Variants in FBXW4 observed in about 807,000 individuals in gnomAD.
The protein encoded by FBXW4 is F-box/WD repeat-containing protein 4.
In FBXW4, 40 loss-of-function variants were observed where a neutral mutation model predicts 61.8. The ratio of observed to expected loss-of-function variants is 0.65; its 90% CI spans 0.50 to 0.84. The LOEUF (loss-of-function observed/expected upper bound fraction) is 0.84. FBXW4 is among the 40% of genes least tolerant of loss of function. The pLI is 0.00. For missense variants in FBXW4, 672 were observed against 753.8 expected (o/e 0.89, Z 1.27); for synonymous variants, 311 against 313.8 (o/e 0.99, Z 0.10).
chr10:101,646,445 C>A (rs1249706290), intron 5 of FBXW4, among the ~76,000 whole-genome samples: 1 of 152,204 alleles, frequency 6.6e-6, no homozygotes, highest in African/African-American at 2.4e-5. Context: ...CCAGGCTAGG[C>A]AGGAGGCCGA....
chr10:101,688,938 A>T (rs2064559932), intron 1 of FBXW4, among the ~76,000 whole-genome samples: 1 of 152,216 alleles, frequency 6.6e-6, no homozygotes, highest in African/African-American at 2.4e-5. Context: ...GTTACAAGTC[A>T]GGACCAGAAA....
At chr10:101,673,975 A>C (rs1453808938) in intron 2 of FBXW4, among the ~76,000 whole-genome samples, 1 of 152,228 alleles carries the variant, frequency 6.6e-6, no homozygotes, top group South Asian at 2.1e-4. Context: ...CTGGCTACCT[A>C]GACTTCTCAT....
rs1254161409 is a variant in FBXW4 at position 101,624,796 on chromosome 10, C to T, written c.1250G>A (p.Gly417Glu). 4 of 1,614,126 alleles carry T rather than the reference C, an allele frequency of 2.5e-6. No individual in the cohort carries two copies. Among genetic ancestry groups the T allele is most frequent in the Non-Finnish European group, 3.4e-6 (4 of 1,180,060 alleles). Residue 417 changes from glycine to glutamate, a missense_variant, in exon 6 of 9, where the codon GGG becomes GAG. Coordinates refer to ENST00000331272, the MANE Select transcript of FBXW4 (RefSeq NM_022039.4). The part of the protein sequence containing the change: ...ISPLLSSFVT[G>E]TACCGHFSPL... ...TGAGAAGTGCCCGCAACAAGCCGTC[C>T]CTGTCACAAAAGAGCTGCCAAACAA...
At position 101,694,333 on chromosome 10, in the gene FBXW4, C is replaced by A. The variant is rs2064647305; in HGVS notation, c.725+48G>T. On this transcript the variant is annotated intron_variant, in intron 1 of 8. Transcript: ENST00000331272. This position sits in a 1 kb window ranked among gnomAD's most constrained non-coding sequence, Gnocchi z 6.0. ...CGCGGCGCCCCGCCCTTTCCCGGGA[C>A]GCGGGGCCGGCTCGGGGCGGGGAGC... 8 of 1,338,018 alleles carry A rather than the reference C, an allele frequency of 6.0e-6. No individual in the cohort carries two copies. The East Asian group carries it at 2.2e-4, about 36-fold the overall frequency. The allele number at this position is 1,338,018 out of a possible 1,614,324, so 82.9% of individuals were successfully genotyped here. A position where few individuals can be genotyped will look rare whatever the true frequency, so the allele number is the denominator to read the frequency against.
At chr10:101,614,736 C>T (rs2063813168) in intron 6 of FBXW4, among the ~76,000 whole-genome samples, 1 of 152,224 alleles carries the variant, frequency 6.6e-6, no homozygotes, top group African/African-American at 2.4e-5. Context: ...ACCCTCAAGG[C>T]TCTGTTGTGT....
chr10:101,660,875 A>G (rs1040763669), intron 5 of FBXW4, among the ~76,000 whole-genome samples: 4 of 152,098 alleles, frequency 2.6e-5, no homozygotes, highest in Non-Finnish European at 2.9e-5. Flanking sequence ...TCTACTACCT[A>G]TTTTACTTGT....
intron 4 of FBXW4, among the ~76,000 whole-genome samples, chr10:101,671,656 T>C (rs1348430550): frequency 2.0e-5 from 3 of 152,112 alleles, no homozygotes; most frequent in Non-Finnish European, 4.4e-5. Flanking sequence ...CAGGAGTACC[T>C]AGGTCACACA....
intron 5 of FBXW4, among the ~76,000 whole-genome samples, chr10:101,645,024 T>C (rs2064084254): frequency 6.6e-6 from 1 of 152,132 alleles, no homozygotes; most frequent in South Asian, 2.1e-4. Flanking sequence ...GGCATTGAGA[T>C]CTAGCCATGA....
At position 101,639,289 on chromosome 10, in the gene FBXW4, C is replaced by T. The variant is rs143359606; in HGVS notation, c.1236-14479G>A. On this transcript the variant is annotated intron_variant, in intron 5 of 8. Transcript: ENST00000331272. ...CTGTGCATGTCACATTAGAATATGG[C>T]GGGTTTTGCTAAGGACACCATCAAC... 1.8e-4 allele frequency among the ~76,000 whole-genome samples: 28 copies of T among 152,206 alleles called. No homozygotes were observed. The East Asian group carries it at 5.0e-3, about 27-fold the overall frequency.
intron 5 of FBXW4, among the ~76,000 whole-genome samples, chr10:101,655,362 T>C (rs766293320): frequency 2.0e-4 from 31 of 152,238 alleles, no homozygotes; most frequent in Non-Finnish European, 4.3e-4. Flanking sequence ...CAAAGACTTC[T>C]AACAACTGGA....
intron 5 of FBXW4, among the ~76,000 whole-genome samples, chr10:101,658,253 A>T (rs888604456): frequency 2.0e-5 from 3 of 152,156 alleles, no homozygotes; most frequent in Admixed American, 2.0e-4. Context: ...AAAAATAAAA[A>T]AAATGGTTTG....
At chr10:101,679,706 A>G (rs373757651) in intron 1 of FBXW4, among the ~76,000 whole-genome samples, 30 of 152,288 alleles carry the variant, frequency 2.0e-4, no homozygotes, top group African/African-American at 7.0e-4. Context: ...ATGCTTTTAC[A>G]TATTTTCTAA....
chr10:101,617,075 G>A (rs1168558511), intron 6 of FBXW4, among the ~76,000 whole-genome samples: 3 of 152,184 alleles, frequency 2.0e-5, no homozygotes, highest in Non-Finnish European at 4.4e-5. Flanking sequence ...TGGTGGCAGA[G>A]TAGCCACCGC....
Position 101,694,610 on chromosome 10 carries a change from C to G in FBXW4, c.496G>C (p.Glu166Gln), listed in dbSNP as rs1478726971. The G allele has an allele frequency of 2.1e-6, 3 of 1,437,676 alleles. No individual in the cohort carries two copies. Among genetic ancestry groups the G allele is most frequent in the African/African-American group, 3.0e-5 (2 of 66,946 alleles). 89.1% of individuals were successfully genotyped at this position (1,437,676 alleles called of 1,614,324 possible). A position where few individuals can be genotyped will look rare whatever the true frequency, so the allele number is the denominator to read the frequency against. The part of the protein sequence containing the change: ...MAAAAGEEEE[E>Q]EEAARESAAR... Reference sequence around the variant, plus strand: ...GCCGACTCCCGAGCCGCCTCCTCCTCCTCCTCCTCCTCCCCGGCCGCCGCC... The same window carrying G: ...GCCGACTCCCGAGCCGCCTCCTCCTGCTCCTCCTCCTCCCCGGCCGCCGCC... Residue 166 changes from glutamate to glutamine, a missense_variant, in exon 1 of 9, where the codon GAG becomes CAG. Transcript: ENST00000331272. This position sits in a 1 kb window ranked among gnomAD's most constrained non-coding sequence, Gnocchi z 6.0.
At chr10:101,640,481 TC>T (rs1338107950) in intron 5 of FBXW4, among the ~76,000 whole-genome samples, 8 of 97,432 alleles carry the variant, frequency 8.2e-5, no homozygotes, top group African/African-American at 2.5e-4. Context: ...TTTCTTTCTT[TC>T]TCTTTTTTTT....
In FBXW4 at chr10:101,694,585, G is replaced by C. The variant is rs758387288; in HGVS notation, c.521C>G (p.Ala174Gly). Reference protein sequence around the residue: ...EEEEEAARESAARPAAGPALW... With the variant: ...EEEEEAARESGARPAAGPALW... ...CGCAGGCCCCGCGGCCGGGCGGGCAGCCGACTCCCGAGCCGCCTCCTCCTC... is the reference window on the plus strand; with the variant it reads ...CGCAGGCCCCGCGGCCGGGCGGGCACCCGACTCCCGAGCCGCCTCCTCCTC... Residue 174 changes from alanine to glycine, a missense_variant, in exon 1 of 9, where the codon GCT (alanine) becomes GGT (glycine). Coordinates refer to ENST00000331272, the MANE Select transcript of FBXW4 (RefSeq NM_022039.4). The surrounding 1 kb of genome is among the most constrained non-coding windows in gnomAD (Gnocchi z 6.0). The C allele has an allele frequency of 2.2e-4, 326 of 1,459,246 alleles. No individual in the cohort carries two copies. The highest frequency in any genetic ancestry group is 2.6e-4 in the Non-Finnish European group (286 of 1,115,460). The allele number at this position is 1,459,246 out of a possible 1,614,324, so 90.4% of individuals were successfully genotyped here. A position where few individuals can be genotyped will look rare whatever the true frequency, so the allele number is the denominator to read the frequency against.
chr10:101,676,738 G>GAAAAAAAAAAAAAAAAAAAAAAAAAAA (rs2064413552), intron 1 of FBXW4: 1 of 81,120 alleles, frequency 1.2e-5, no homozygotes. Flanking sequence ...AAAAAAAAAT[G>GAAAAAAAAAAAAAAAAAAAAAAAAAAA]AAATGAATCC....
At chr10:101,633,861 A>G (rs2063978961) in intron 5 of FBXW4, among the ~76,000 whole-genome samples, 1 of 152,200 alleles carries the variant, frequency 6.6e-6, no homozygotes, top group Non-Finnish European at 1.5e-5. Context: ...CTGTAATCCC[A>G]GCACTTTAGG....
chr10:101,661,916 G>A (rs757619353), intron 5 of FBXW4, among the ~76,000 whole-genome samples: 2 of 152,088 alleles, frequency 1.3e-5, no homozygotes, highest in African/African-American at 2.4e-5. Context: ...GTTTTTCCTC[G>A]AGTTATCAAG....
Sources: allele counts gnomAD v4.1 joint callset (sites outside exome capture counted in the v4.1 genomes callset), GRCh38; gene constraint gnomAD v4.1.1; non-coding constraint Gnocchi (gnomAD v3.1); transcripts MANE v1.5; gene names NCBI Gene and HGNC (gene_info 2026-07-23, HGNC 2026-07-21).